PLXNB1: variants seen among roughly 807,000 people sequenced by gnomAD.
The protein encoded by PLXNB1 is plexin-B1.
In PLXNB1, 106 loss-of-function variants were observed where a neutral mutation model predicts 209.4. That is an observed-to-expected ratio of 0.51 (90% CI 0.43 to 0.59). The LOEUF (loss-of-function observed/expected upper bound fraction) is 0.59, where lower values mean the gene tolerates loss of function less well. Ranked by LOEUF, PLXNB1 falls within the 20% of genes least tolerant of loss-of-function variation. PLXNB1 has a pLI of 0.00. For synonymous variants in PLXNB1, 1,167 were observed against 1,183.2 expected (o/e 0.99, Z 0.28); for missense variants, 2,357 against 2,853.2 (o/e 0.83, Z 3.96).
At position 48,406,597 on chromosome 3, in the gene PLXNB1, A is replaced by G. The variant is rs1305734414; in HGVS notation, c.6228+226T>C. ...CAAGAGCCTGGCTGAATCAGGGTAC[A>G]TGGCAGCTGCCAGGACAAGACCCCT... On this transcript the variant is annotated intron_variant, in intron 36 of 37. Transcript: ENST00000296440. The surrounding 1 kb of genome is among the most constrained non-coding windows in gnomAD (Gnocchi z 4.4). The G allele has an allele frequency of 1.2e-5, 17 of 1,380,634 alleles. No homozygotes were observed. The highest frequency in any genetic ancestry group is 1.5e-5 in the African/African-American group (1 of 68,550). 85.5% of individuals were successfully genotyped at this position (1,380,634 alleles called of 1,614,324 possible). A position where few individuals can be genotyped will look rare whatever the true frequency, so the allele number is the denominator to read the frequency against.
chr3:48,422,007 G>T, intron 6 of PLXNB1, 98 bp downstream of exon 6: 3 of 1,306,072 alleles, frequency 2.3e-6, no homozygotes, highest in Non-Finnish European at 3.3e-6. Flanking sequence ...ATCAGGGGTT[G>T]AGAGTCATGG....
chr3:48,411,107 G>C lies in PLXNB1; in HGVS notation c.5248-71C>G. ...ATGACCAAGACACAGGCCAAGGGCA[G>C]AGACAACTCATGAGAAACTGCTGCC... is the stretch of plus-strand genomic sequence containing the variant. On this transcript the variant is annotated intron_variant, in intron 28 of 37. Coordinates refer to ENST00000296440, the MANE Select transcript of PLXNB1 (RefSeq NM_001130082.3). This position sits in a 1 kb window ranked among gnomAD's most constrained non-coding sequence, Gnocchi z 4.0. 1 of 1,392,374 alleles carries C rather than the reference G, an allele frequency of 7.2e-7. No homozygotes were observed. The highest frequency in any genetic ancestry group is 1.4e-5 in the African/African-American group (1 of 69,802). The allele number at this position is 1,392,374 out of a possible 1,614,324, so 86.3% of individuals were successfully genotyped here.
At chr3:48,420,376 A>C in intron 10 of PLXNB1, 119 bp from the exon 11 acceptor site, 1 of 668,902 alleles carries the variant, frequency 1.5e-6, no homozygotes, top group Non-Finnish European at 2.5e-6. Flanking sequence ...AGAAATAAAA[A>C]CAGCCCATTA....
rs1237698646 is a variant in PLXNB1, at chr3:48,418,179, C to A, written c.3222+12G>T. 4 of 1,610,522 alleles carry A rather than the reference C, an allele frequency of 2.5e-6. No individual in the cohort carries two copies. The highest frequency in any genetic ancestry group is 2.5e-6 in the Non-Finnish European group (3 of 1,178,730). On this transcript the variant is annotated intron_variant, in intron 15 of 37. Coordinates refer to ENST00000296440, the MANE Select transcript of PLXNB1 (RefSeq NM_001130082.3). The surrounding 1 kb of genome is among the most constrained non-coding windows in gnomAD (Gnocchi z 6.6). ...CAGCACTGAGGAAGGGATGGCCAGC[C>A]TTTCAACAAACCGAGTGGATGAGGG...
intron 6 of PLXNB1, 50 bp from the exon 7 acceptor site, chr3:48,421,856 G>A (rs990342671): frequency 2.7e-5 from 43 of 1,569,878 alleles, no homozygotes; most frequent in Non-Finnish European, 3.6e-5. Flanking sequence ...GCCACTGGGA[G>A]TTCATAGGGT....
chr3:48,413,917 G>A lies in PLXNB1; in HGVS notation c.4364C>T (p.Pro1455Leu). 6.2e-7 allele frequency: 1 copy of A among 1,610,812 alleles called. No homozygotes were observed. The highest frequency in any genetic ancestry group is 1.1e-5 in the South Asian group (1 of 90,844). ...GACCGTGAACTCAGGCAAAGAGTCAGGTGCCTCTCGGAGGGCATGGTGCCG... is the reference window on the plus strand; with the variant it reads ...GACCGTGAACTCAGGCAAAGAGTCAAGTGCCTCTCGGAGGGCATGGTGCCG... ...LPRHHALREA[P>L]DSLPEFTVQM... The change falls in exon 22 of 38, where the codon CCT (proline) becomes CTT (leucine). Residue 1455 changes from proline (P) to leucine (L), a missense_variant. Physicochemically the swap from Pro to Leu is moderately conservative, Grantham distance 98. Transcript: ENST00000296440. This position sits in a 1 kb window ranked among gnomAD's most constrained non-coding sequence, Gnocchi z 5.4.
At position 48,421,328 on chromosome 3, in the gene PLXNB1, G is replaced by A; in HGVS notation, c.1710C>T (p.Cys570=). The change falls in exon 8 of 38, where the codon TGC becomes TGT. Residue 570 remains cysteine (C), a synonymous_variant. Transcript: ENST00000296440. ...CAGGACTCTGATGTTCCCCAAAGTG[G>A]CAGGAATATGACTCCCCTGGCCACA... ...PPLWPGESYS[C]HFGEHQSPAL... 1 of 1,587,614 alleles carries A rather than the reference G, an allele frequency of 6.3e-7. No homozygotes were observed. Among genetic ancestry groups the A allele is most frequent in the African/African-American group, 1.3e-5 (1 of 74,100 alleles).
At position 48,410,447 on chromosome 3, in the gene PLXNB1, C is replaced by T. The variant is rs752239572; in HGVS notation, c.5520+8G>A. ...ACCATGCCCTCCTCCAGCTCCCACT[C>T]CTCCTACCTTGTAATGCTGCAGTGT... On this transcript the variant is annotated splice_region_variant and intron_variant, in intron 30 of 37. Coordinates refer to ENST00000296440, the MANE Select transcript of PLXNB1 (RefSeq NM_001130082.3). The surrounding 1 kb of genome is among the most constrained non-coding windows in gnomAD (Gnocchi z 6.4). 2.5e-6 allele frequency: 4 copies of T among 1,613,262 alleles called. No individual in the cohort carries two copies. In the South Asian group the frequency reaches 3.3e-5, roughly 13 times the overall value.
At position 48,419,527 on chromosome 3, in the gene PLXNB1, T is replaced by A; in HGVS notation, c.2709+50A>T. On this transcript the variant is annotated intron_variant, in intron 11 of 37. Coordinates refer to ENST00000296440, the MANE Select transcript of PLXNB1 (RefSeq NM_001130082.3). The surrounding 1 kb of genome is among the most constrained non-coding windows in gnomAD (Gnocchi z 5.7). Reference sequence around the variant, plus strand: ...ATCACAAGGCAAGCTAGGGGTAGCATCTTCCCCACATCCCCTCCCCTGAGG... The same window carrying A: ...ATCACAAGGCAAGCTAGGGGTAGCAACTTCCCCACATCCCCTCCCCTGAGG... 6.5e-7 allele frequency: 1 copy of A among 1,542,044 alleles called. No individual in the cohort carries two copies. The highest frequency in any genetic ancestry group is 1.7e-4 in the Middle Eastern group (1 of 5,802).
rs1303783326 is a variant in PLXNB1, at chr3:48,422,336, T to G, written c.1414A>C (p.Ser472Arg). ...TFEHLYVMTQ[S>R]TLLKVPVASC... ...GGCTTGTGCCTGGCACTCACTGTGCTCTGGGTCATGACATACAGGTGCTCA... is the reference window on the plus strand; with the variant it reads ...GGCTTGTGCCTGGCACTCACTGTGCGCTGGGTCATGACATACAGGTGCTCA... Residue 472 changes from serine (S) to arginine (R), a missense_variant, in exon 5 of 38, where the codon AGC (serine) becomes CGC (arginine). Coordinates refer to ENST00000296440, the MANE Select transcript of PLXNB1 (RefSeq NM_001130082.3). 2 of 1,611,202 alleles carry G rather than the reference T, an allele frequency of 1.2e-6. No homozygotes were observed. The highest frequency in any genetic ancestry group is 4.5e-5 in the East Asian group (2 of 44,860).
Position 48,415,233 on chromosome 3 carries a change from C to T in PLXNB1, c.3909G>A (p.Arg1303=). The T allele has an allele frequency of 6.2e-7, 1 of 1,613,498 alleles. No individual in the cohort carries two copies. The highest frequency in any genetic ancestry group is 8.5e-7 in the Non-Finnish European group (1 of 1,180,024). Residue 1303 remains arginine (R), a synonymous_variant, in exon 20 of 38, where the codon AGG becomes AGA. Coordinates refer to ENST00000296440, the MANE Select transcript of PLXNB1 (RefSeq NM_001130082.3). The surrounding 1 kb of genome is among the most constrained non-coding windows in gnomAD (Gnocchi z 5.0). ...ATGCCGTCTCCGGGACCACGCGACG[C>T]CTCCGTCCAAGCCCCTGGCTGGGCT... ...MLQPSQGLGR[R]RRVVPETACS...
rs2037320499 is a variant in PLXNB1 at position 48,406,458 on chromosome 3, T to C, written c.6228+365A>G. On this transcript the variant is annotated intron_variant, in intron 36 of 37. Coordinates refer to ENST00000296440, the MANE Select transcript of PLXNB1 (RefSeq NM_001130082.3). This position sits in a 1 kb window ranked among gnomAD's most constrained non-coding sequence, Gnocchi z 4.4. ...TCCCTGGAGTTACATTTTAGGGCGG[T>C]TTCAGGAATGGGAGAGGTGAAGGGG... is the stretch of plus-strand genomic sequence containing the variant. 1 of 414,236 alleles carries C rather than the reference T, an allele frequency of 2.4e-6. No individual in the cohort carries two copies. The highest frequency in any genetic ancestry group is 1.6e-4 in the East Asian group (1 of 6,260). 25.7% of individuals were successfully genotyped at this position (414,236 alleles called of 1,614,324 possible).
chr3:48,410,650 C>T lies in PLXNB1; in HGVS notation c.5417-92G>A. The stretch of plus-strand genomic sequence containing the variant: ...CTCCTCCACAGGGACACCAGCCCCT[C>T]CATCATGGGGCAGCCTTACTCAACC... On this transcript the variant is annotated intron_variant, in intron 29 of 37. Transcript: ENST00000296440. The surrounding 1 kb of genome is among the most constrained non-coding windows in gnomAD (Gnocchi z 6.4). The T allele has an allele frequency of 1.8e-6, 2 of 1,127,850 alleles. No homozygotes were observed. The highest frequency in any genetic ancestry group is 2.6e-6 in the Non-Finnish European group (2 of 758,518). The allele number at this position is 1,127,850 out of a possible 1,614,324, so 69.9% of individuals were successfully genotyped here.
chr3:48,414,989 G>A lies in PLXNB1; in HGVS notation c.4019C>T (p.Pro1340Leu). ...GTCCTCAGGCAGGCCTGGGAGGGCA[G>A]GTGTGCGGCACGTGATGAGCTGGGA... ...NSSQLITCRT[P>L]ALPGLPEDPW... Residue 1340 changes from proline to leucine, a missense_variant, in exon 21 of 38, where the codon CCT (proline) becomes CTT (leucine). Physicochemically the swap from Pro to Leu is moderately conservative, Grantham distance 98. Transcript: ENST00000296440. 6.2e-7 allele frequency: 1 copy of A among 1,613,748 alleles called. No individual in the cohort carries two copies. The highest frequency in any genetic ancestry group is 1.1e-5 in the South Asian group (1 of 91,090).
In PLXNB1 at chr3:48,423,976, G is replaced by A. The variant is rs766350970; in HGVS notation, c.636C>T (p.Ser212=). ...CACTCACGAAGTGGTGGCTGTACTCGGAGAGGCGGCCCACTGCCAGCTTGG... is the reference window on the plus strand; with the variant it reads ...CACTCACGAAGTGGTGGCTGTACTCAGAGAGGCGGCCCACTGCCAGCTTGG... The part of the protein sequence containing the change: ...ETAKLAVGRL[S]EYSHHFVSAF... Residue 212 remains serine (S), a synonymous_variant, in exon 3 of 38, where the codon TCC becomes TCT. Coordinates refer to ENST00000296440, the MANE Select transcript of PLXNB1 (RefSeq NM_001130082.3). 4.1e-5 allele frequency: 66 copies of A among 1,613,596 alleles called. No homozygotes were observed. Among genetic ancestry groups the A allele is most frequent in the Middle Eastern group, 3.3e-4 (2 of 6,084 alleles).
intron 21 of PLXNB1, 43 bp downstream of exon 21, chr3:48,414,756 G>A (rs1359250350): frequency 6.3e-7 from 1 of 1,597,800 alleles, no homozygotes; most frequent in East Asian, 2.2e-5. Context: ...TCCAGCCAAG[G>A]GAAGGGTCTC....
In PLXNB1 at chr3:48,415,232, G is replaced by A. The variant is rs1316273585; in HGVS notation, c.3910C>T (p.Arg1304Cys). ...LQPSQGLGRRRRVVPETACSL... is the reference protein window; with the variant it reads ...LQPSQGLGRRCRVVPETACSL... ...CATGCCGTCTCCGGGACCACGCGAC[G>A]CCTCCGTCCAAGCCCCTGGCTGGGC... The change falls in exon 20 of 38, where the codon CGT becomes TGT. Residue 1304 changes from arginine (R) to cysteine (C), a missense_variant. Around this residue, in one of 7 missense-constraint regions of PLXNB1, gnomAD observed 743 missense variants for 896.2 expected, o/e 0.83. Transcript: ENST00000296440. This position sits in a 1 kb window ranked among gnomAD's most constrained non-coding sequence, Gnocchi z 5.0. The A allele has an allele frequency of 8.1e-6, 13 of 1,613,416 alleles. No homozygotes were observed. The highest frequency in any genetic ancestry group is 1.1e-5 in the South Asian group (1 of 91,080).
chr3:48,421,271 G>A lies in PLXNB1; in HGVS notation c.1767C>T (p.Pro589=), dbSNP rs2038499944. Residue 589 remains proline, a synonymous_variant, in exon 8 of 38, where the codon CCC becomes CCT. Transcript: ENST00000296440. The part of the protein sequence containing the change: ...ALLTGSGVMC[P]SPDPSEAPVL... ...CTGGGGCCTCACTAGGGTCTGGGGA[G>A]GGGCACATCACACCAGAACCAGTCA... is the stretch of plus-strand genomic sequence containing the variant. The A allele has an allele frequency of 1.2e-6, 2 of 1,612,306 alleles. No individual in the cohort carries two copies. Among genetic ancestry groups the A allele is most frequent in the East Asian group, 4.5e-5 (2 of 44,814 alleles).
In PLXNB1 at chr3:48,404,489, T is replaced by C. The variant is rs754241821; in HGVS notation, c.6405A>G (p.Leu2135=). 7 of 1,609,108 alleles carry C rather than the reference T, an allele frequency of 4.4e-6. No homozygotes were observed. Among genetic ancestry groups the C allele is most frequent in the Admixed American group, 3.3e-5 (2 of 59,880 alleles). ...GCAGGCCGTGGCTCCTGGGTTCCTA[T>C]AGATCTGTGACCTTGTTTTCCACAG... The part of the protein sequence containing the change: ...AAAVENKVTD[L] The change falls in exon 38 of 38, where the codon CTA becomes CTG. Residue 2135 remains leucine, a synonymous_variant. Coordinates refer to ENST00000296440, the MANE Select transcript of PLXNB1 (RefSeq NM_001130082.3).
Sources: allele counts gnomAD v4.1 joint callset, GRCh38; gene constraint gnomAD v4.1.1; regional missense constraint gnomAD v4.1.1; non-coding constraint Gnocchi (gnomAD v3.1); transcripts MANE v1.5; gene names NCBI Gene and HGNC (gene_info 2026-07-23, HGNC 2026-07-21).